The following XKR9 variants were observed in gnomAD, a reference collection of about 807,000 sequenced individuals.
The protein encoded by XKR9 is XK related 9, also known as XK-related protein 9.
A neutral mutation model predicts 32.0 loss-of-function variants in XKR9; 32 were observed. The observed-to-expected ratio is 1.00, with a 90% confidence interval of 0.76 to 1.34. XKR9 has a LOEUF of 1.34. Ranked by LOEUF, XKR9 falls within the 40% of genes most tolerant of loss-of-function variation. The pLI is 0.00. For missense variants in XKR9, 546 were observed against 429.7 expected (o/e 1.27, Z -2.39); for synonymous variants, 168 against 143.4 (o/e 1.17, Z -1.22).
chr8:70,932,686 G>T, the XKR9 span, among the ~76,000 whole-genome samples: 1 of 152,144 alleles, frequency 6.6e-6, no homozygotes, highest in African/African-American at 2.4e-5. Context: ...CTTGTGGAGT[G>T]CCACCTTCTG....
chr8:70,809,113 C>T, the XKR9 span, among the ~76,000 whole-genome samples: 3 of 152,326 alleles, frequency 2.0e-5, no homozygotes, highest in Admixed American at 6.5e-5. Context: ...GGGGAACGAT[C>T]AGGCAGCAAC....
At chr8:70,896,204 T>C in the XKR9 span, among the ~76,000 whole-genome samples, 1 of 151,516 alleles carries the variant, frequency 6.6e-6, no homozygotes, top group Admixed American at 6.6e-5. Context: ...TTGATATTAG[T>C]GTGATGTTGA....
At chr8:70,803,913 G>A in the XKR9 span, among the ~76,000 whole-genome samples, 1 of 152,142 alleles carries the variant, frequency 6.6e-6, no homozygotes, top group African/African-American at 2.4e-5. Flanking sequence ...TGGGCCAGAA[G>A]CTCTAAAAGG....
chr8:70,959,408 C>G, the XKR9 span, among the ~76,000 whole-genome samples: 34 of 152,294 alleles, frequency 2.2e-4, 1 homozygote, highest in South Asian at 7.0e-3. Flanking sequence ...TTAATGTCCT[C>G]CAGTATTCCA....
the XKR9 span, among the ~76,000 whole-genome samples, chr8:70,977,003 C>A: frequency 6.6e-6 from 1 of 152,162 alleles, no homozygotes; most frequent in African/African-American, 2.4e-5. Context: ...AGTTTATTTT[C>A]ATAGAGGTGT....
chr8:70,978,599 T>G, the XKR9 span, among the ~76,000 whole-genome samples: 1 of 152,200 alleles, frequency 6.6e-6, no homozygotes, highest in Non-Finnish European at 1.5e-5. Flanking sequence ...TCTGCTGAGA[T>G]ATCTGCTGTT....
intron 3 of XKR9, among the ~76,000 whole-genome samples, chr8:70,689,431 G>A (rs1181464535): frequency 2.7e-5 from 4 of 146,222 alleles, no homozygotes; most frequent in Admixed American, 2.1e-4. Flanking sequence ...AAAGTAGCTT[G>A]ACCATATTGC....
chr8:70,955,186 A>T, the XKR9 span, among the ~76,000 whole-genome samples: 1 of 152,274 alleles, frequency 6.6e-6, no homozygotes, highest in South Asian at 2.1e-4. Context: ...TGAGGATCAG[A>T]CTATTACCTC....
chr8:70,755,516 C>G (rs922479110), intron 2 of XKR9, among the ~76,000 whole-genome samples: 1 of 152,032 alleles, frequency 6.6e-6, no homozygotes, highest in African/African-American at 2.4e-5. Context: ...ACCCAAATGT[C>G]CAACAATGAT....
chr8:70,996,129 A>T, the XKR9 span, among the ~76,000 whole-genome samples: 2 of 152,376 alleles, frequency 1.3e-5, no homozygotes, highest in Admixed American at 6.5e-5. Flanking sequence ...CTAATTAACA[A>T]GAGAAAACTA....
chr8:70,684,472 A>C (rs1382871795), intron 3 of XKR9, among the ~76,000 whole-genome samples: 1 of 152,144 alleles, frequency 6.6e-6, no homozygotes, highest in Non-Finnish European at 1.5e-5. Context: ...ATATAAATAT[A>C]TACACATAAG....
chr8:70,922,368 C>A, the XKR9 span, among the ~76,000 whole-genome samples: 1 of 152,194 alleles, frequency 6.6e-6, no homozygotes, highest in Admixed American at 6.5e-5. Context: ...AGGATGTTAT[C>A]AACCCAAATA....
At chr8:70,810,634 G>A in the XKR9 span, among the ~76,000 whole-genome samples, 1 of 152,136 alleles carries the variant, frequency 6.6e-6, no homozygotes, top group South Asian at 2.1e-4. Flanking sequence ...GGCAGGGGTT[G>A]TAATCCTAGT....
At chr8:70,829,207 T>G in the XKR9 span, among the ~76,000 whole-genome samples, 19 of 152,336 alleles carry the variant, frequency 1.2e-4, no homozygotes, top group African/African-American at 4.6e-4. Flanking sequence ...TGAATTAATC[T>G]TTCTCTGCCT....
At chr8:70,958,310 T>A in the XKR9 span, among the ~76,000 whole-genome samples, 524 of 152,266 alleles carry the variant, frequency 3.4e-3, 3 homozygotes, top group African/African-American at 0.012. Context: ...TAATTTACAC[T>A]CCCACCACCA....
intron 3 of XKR9, among the ~76,000 whole-genome samples, chr8:70,706,019 G>T (rs1320905335): frequency 6.6e-6 from 1 of 152,094 alleles, no homozygotes; most frequent in Admixed American, 6.5e-5. Flanking sequence ...CCACATTTTT[G>T]GTCTGAGCAA....
At chr8:71,044,131 C>T in the XKR9 span, among the ~76,000 whole-genome samples, 4 of 152,262 alleles carry the variant, frequency 2.6e-5, no homozygotes, top group Admixed American at 6.5e-5. Flanking sequence ...ATGCTTATGC[C>T]TCTAGGGGTA....
intron 3 of XKR9, among the ~76,000 whole-genome samples, chr8:70,688,336 C>T (rs1270408446): frequency 3.3e-5 from 5 of 152,204 alleles, no homozygotes; most frequent in East Asian, 1.9e-4. Flanking sequence ...AAGGATATTC[C>T]GCAAGAGTTC....
intron 1 of XKR9, among the ~76,000 whole-genome samples, chr8:70,671,499 A>G (rs2132092023): frequency 1.3e-5 from 1 of 79,686 alleles, no homozygotes; most frequent in South Asian, 3.4e-4. Context: ...CGACCCCACC[A>G]CAGTCCCCAG....
Sources: allele counts gnomAD v4.1 joint callset (sites outside exome capture counted in the v4.1 genomes callset), GRCh38; gene constraint gnomAD v4.1.1; transcripts MANE v1.5; gene names NCBI Gene and HGNC (gene_info 2026-07-23, HGNC 2026-07-21).